Variants in EXOC4 observed in about 807,000 individuals in gnomAD.
The protein encoded by EXOC4 is exocyst complex component 4.
In EXOC4, 71 loss-of-function variants were observed where a neutral mutation model predicts 107.2. The ratio of observed to expected loss-of-function variants is 0.66; its 90% CI spans 0.55 to 0.81. The LOEUF is 0.81. EXOC4 is among the 30% of genes least tolerant of loss of function. EXOC4 has a pLI of 0.00. For missense variants in EXOC4, 1,108 were observed against 1,189.6 expected, an observed-to-expected ratio of 0.93 and a Z score of 1.01; for synonymous variants, 456 against 441.2, an observed-to-expected ratio of 1.03 and a Z score of -0.42.
At position 134,064,666 on chromosome 7, in the gene EXOC4, C is replaced by G. The variant is rs1796144996; in HGVS notation, c.*138C>G. ...GAGAGGAGGTGTAAGGATTCTTTCTCTCTGGTTTTGGCTTTTCATATAAAT... is the reference window on the plus strand; with the variant it reads ...GAGAGGAGGTGTAAGGATTCTTTCTGTCTGGTTTTGGCTTTTCATATAAAT... On this transcript the variant is annotated 3_prime_UTR_variant, in exon 18 of 18. Transcript: ENST00000253861. The G allele has an allele frequency of 5.1e-6, 3 of 584,362 alleles. No individual in the cohort carries two copies. Among genetic ancestry groups the G allele is most frequent in the Non-Finnish European group, 5.6e-6 (2 of 357,260 alleles). The allele number at this position is 584,362 out of a possible 1,614,324, so 36.2% of individuals were successfully genotyped here.
chr7:133,794,175 A>G lies in EXOC4; in HGVS notation c.1515-23150A>G, dbSNP rs149715699. On this transcript the variant is annotated intron_variant, in intron 10 of 17. Coordinates refer to ENST00000253861, the MANE Select transcript of EXOC4 (RefSeq NM_021807.4). The stretch of plus-strand genomic sequence containing the variant: ...TTTTTTGGTACCCTTTCCAGTTACT[A>G]TAATCAGCTTTGAATCCTCTGTGAT... Among the ~76,000 whole-genome samples the G allele has an allele frequency of 6.1e-3, 931 of 152,332 alleles. 5 individuals carry two copies. Among genetic ancestry groups the G allele is most frequent in the Middle Eastern group, 0.024 (7 of 294 alleles).
intron 10 of EXOC4, among the ~76,000 whole-genome samples, chr7:133,741,012 A>G (rs1022383954): frequency 6.6e-6 from 1 of 152,188 alleles, no homozygotes; most frequent in Non-Finnish European, 1.5e-5. Context: ...CACTGGTGGA[A>G]ACAGTCACAT....
chr7:133,309,080 A>G (rs1043374719), intron 4 of EXOC4, among the ~76,000 whole-genome samples: 2 of 152,184 alleles, frequency 1.3e-5, no homozygotes, highest in African/African-American at 4.8e-5. Flanking sequence ...GATTGGTGCC[A>G]TCGAGCCGTC....
chr7:133,461,819 T>C (rs1487130597), intron 7 of EXOC4, among the ~76,000 whole-genome samples: 2 of 152,200 alleles, frequency 1.3e-5, no homozygotes, highest in Non-Finnish European at 2.9e-5. Context: ...TTTAGGTAAC[T>C]TAAGACATTG....
chr7:133,886,353 T>C (rs1585223539), intron 11 of EXOC4, among the ~76,000 whole-genome samples: 1 of 152,346 alleles, frequency 6.6e-6, no homozygotes, highest in Admixed American at 6.5e-5. Context: ...AGCCCCATTC[T>C]GGCAAACAGT....
Position 133,479,989 on chromosome 7 carries a change from A to AGCT in EXOC4, c.1329-59_1329-57dup. 3 of 1,298,426 alleles carry AGCT rather than the reference A, an allele frequency of 2.3e-6. 1 individual carries two copies. The South Asian group carries it at 3.5e-5, about 15-fold the overall frequency. The allele number at this position is 1,298,426 out of a possible 1,614,324, so 80.4% of individuals were successfully genotyped here. A position where few individuals can be genotyped will look rare whatever the true frequency, so the allele number is the denominator to read the frequency against. On this transcript the variant is annotated intron_variant, in intron 8 of 17. Coordinates refer to ENST00000253861, the MANE Select transcript of EXOC4 (RefSeq NM_021807.4). ...CAGAGTAGAATAATGTGGAATACAG[A>AGCT]GCTGGTCAGCACTTAATTGGTTTAC...
chr7:133,407,542 A>T (rs958510096), intron 7 of EXOC4, among the ~76,000 whole-genome samples: 15 of 152,206 alleles, frequency 9.9e-5, no homozygotes, highest in African/African-American at 3.4e-4. Context: ...AAGGTAAAAG[A>T]AGGGGATATC....
intron 10 of EXOC4, among the ~76,000 whole-genome samples, chr7:133,719,220 G>A (rs561949406): frequency 1.3e-5 from 2 of 152,274 alleles, no homozygotes; most frequent in African/African-American, 4.8e-5. Flanking sequence ...CACGTAAGAT[G>A]TGACTTGCTC....
chr7:133,262,467 C>T (rs1229945698), intron 1 of EXOC4, among the ~76,000 whole-genome samples: 1 of 151,892 alleles, frequency 6.6e-6, no homozygotes, highest in Non-Finnish European at 1.5e-5. Context: ...ATTTGACACT[C>T]TTGGTAAGAA....
At chr7:133,681,330 G>A (rs1166727646) in intron 10 of EXOC4, among the ~76,000 whole-genome samples, 1 of 151,978 alleles carries the variant, frequency 6.6e-6, no homozygotes, top group Non-Finnish European at 1.5e-5. Flanking sequence ...AAAGTAAAGG[G>A]CATTTCAGCA....
intron 7 of EXOC4, among the ~76,000 whole-genome samples, chr7:133,429,992 A>T (rs1474116550): frequency 6.6e-6 from 1 of 152,094 alleles, no homozygotes; most frequent in Non-Finnish European, 1.5e-5. Context: ...TGTTAAAATT[A>T]ATGCTCTTTT....
At chr7:134,046,857 C>T (rs963860518) in intron 17 of EXOC4, among the ~76,000 whole-genome samples, 6 of 152,034 alleles carry the variant, frequency 3.9e-5, no homozygotes, top group South Asian at 4.2e-4. Context: ...GGGAGTGGGG[C>T]GGGCTGTAGG....
chr7:133,460,421 T>TA (rs1340010395), intron 7 of EXOC4, among the ~76,000 whole-genome samples: 2 of 152,162 alleles, frequency 1.3e-5, no homozygotes, highest in Non-Finnish European at 2.9e-5. Context: ...ACTGTAAACT[T>TA]ACTTAAACCA....
intron 7 of EXOC4, among the ~76,000 whole-genome samples, chr7:133,428,378 C>T (rs1383445507): frequency 1.3e-5 from 2 of 152,166 alleles, no homozygotes; most frequent in African/African-American, 2.4e-5. Context: ...ACTTTGTTCT[C>T]TATTGACATC....
chr7:133,399,312 T>C (rs71535746), intron 7 of EXOC4, among the ~76,000 whole-genome samples: 1 of 152,254 alleles, frequency 6.6e-6, no homozygotes, highest in African/African-American at 2.4e-5. Context: ...GTTTATTTTG[T>C]ATTTTTTATT....
chr7:133,511,581 C>T (rs1584968205), intron 9 of EXOC4, among the ~76,000 whole-genome samples: 2 of 152,086 alleles, frequency 1.3e-5, no homozygotes, highest in Non-Finnish European at 2.9e-5. Context: ...TGTTTTTTCT[C>T]AGTTGCCTTC....
the EXOC4 span, among the ~76,000 whole-genome samples, chr7:134,081,862 T>A: frequency 6.6e-6 from 1 of 152,046 alleles, no homozygotes; most frequent in Non-Finnish European, 1.5e-5. Flanking sequence ...TACAGAAAAA[T>A]GTAGAGGCGA....
At chr7:133,278,880 A>G (rs1453346938) in intron 2 of EXOC4, among the ~76,000 whole-genome samples, 1 of 152,138 alleles carries the variant, frequency 6.6e-6, no homozygotes, top group Non-Finnish European at 1.5e-5. Flanking sequence ...CAGGTTTGTT[A>G]CATATGTATA....
At chr7:133,419,891 C>T (rs1289398315) in intron 7 of EXOC4, among the ~76,000 whole-genome samples, 1 of 151,994 alleles carries the variant, frequency 6.6e-6, no homozygotes, top group African/African-American at 2.4e-5. Flanking sequence ...GGGTCTCTCA[C>T]CATGCTGCAG....
Sources: gnomAD v4.1 joint callset for allele counts (sites outside exome capture counted in the v4.1 genomes callset) on GRCh38, gnomAD v4.1.1 for gene constraint, MANE v1.5 for transcripts, NCBI Gene and HGNC (gene_info 2026-07-23, HGNC 2026-07-21) for gene names.